Variants in PKM observed in about 807,000 individuals in gnomAD.
The protein encoded by PKM is pyruvate kinase M1/2, also known as pyruvate kinase PKM.
Under a neutral mutation model 49.8 loss-of-function variants are expected in PKM, and 18 were observed. The ratio of observed to expected loss-of-function variants is 0.36; its 90% CI spans 0.25 to 0.54. The LOEUF (loss-of-function observed/expected upper bound fraction) is 0.54, where lower values mean the gene tolerates loss of function less well. PKM is among the 20% of genes least tolerant of loss of function. The probability of loss-of-function intolerance (pLI) is 0.89; values close to 1 mark genes in which losing one functional copy is unlikely to be tolerated. For synonymous variants in PKM, 239 were observed against 261.8 expected (o/e 0.91, Z 0.84); for missense variants, 508 against 713.8 (o/e 0.71, Z 3.28).
At chr15:72,214,566 C>T (rs772988829) in intron 3 of PKM, among the ~76,000 whole-genome samples, 2 of 151,750 alleles carry the variant, frequency 1.3e-5, no homozygotes, top group African/African-American at 4.8e-5. Context: ...GAGGCCAAGG[C>T]GGATGGATCA....
chr15:72,228,135 G>A, intron 1 of PKM, among the ~76,000 whole-genome samples: 1 of 152,194 alleles, frequency 6.6e-6, no homozygotes, highest in East Asian at 1.9e-4. Context: ...TGCTAGACAG[G>A]AGACCAACAT....
chr15:72,213,907 C>G (rs2082315769), intron 3 of PKM, among the ~76,000 whole-genome samples: 1 of 152,158 alleles, frequency 6.6e-6, no homozygotes, highest in African/African-American at 2.4e-5. Context: ...TATTCATACT[C>G]TTATTTGCAC....
At chr15:72,213,069 C>T (rs1003125673) in intron 3 of PKM, among the ~76,000 whole-genome samples, 2 of 151,260 alleles carry the variant, frequency 1.3e-5, no homozygotes, top group South Asian at 4.2e-4. Flanking sequence ...AGCGAGACTC[C>T]GTCTCAGAAG....
intron 1 of PKM, among the ~76,000 whole-genome samples, chr15:72,230,198 A>C (rs913377506): frequency 6.6e-6 from 1 of 152,134 alleles, no homozygotes; most frequent in Non-Finnish European, 1.5e-5. Flanking sequence ...CGCCCATCTA[A>C]TCCCGGCCAC....
rs1369540881 is a variant in PKM, at chr15:72,208,770, C to T, written c.687G>A (p.Leu229=). Residue 229 remains leucine (L), a synonymous_variant, in exon 6 of 11, where the codon CTG becomes CTA. Transcript: ENST00000335181. The part of the protein sequence containing the change: ...PAVSEKDIQD[L]KFGVEQDVDM... ...CAACATCCTGCTCGACCCCAAACTT[C>T]AGATCCTGGATGTCCTTCTCCGACA... The T allele has an allele frequency of 6.2e-7, 1 of 1,614,182 alleles. No homozygotes were observed. Among genetic ancestry groups the T allele is most frequent in the Non-Finnish European group, 8.5e-7 (1 of 1,180,014 alleles).
intron 9 of PKM, chr15:72,201,851 G>C (rs1040720971): frequency 1.2e-5 from 2 of 163,272 alleles, no homozygotes; most frequent in African/African-American, 2.4e-5. Flanking sequence ...AACTAGGAGA[G>C]TGAAGGACAT....
At chr15:72,230,679 T>G (rs2082836611) in intron 1 of PKM, among the ~76,000 whole-genome samples, 1 of 151,514 alleles carries the variant, frequency 6.6e-6, no homozygotes, top group Non-Finnish European at 1.5e-5. Context: ...ACGCACAGCT[T>G]GAAGAGGAGG....
intron 7 of PKM, 28 bp from the exon 8 acceptor site, chr15:72,206,908 T>C (rs775234394): frequency 6.2e-7 from 1 of 1,613,386 alleles, no homozygotes; most frequent in East Asian, 2.2e-5. Context: ...ATTAGTGAGA[T>C]GTAGCTTGAG....
chr15:72,219,270 T>C, intron 1 of PKM, 160 bp from the exon 2 acceptor site: 1 of 640,086 alleles, frequency 1.6e-6, no homozygotes. Flanking sequence ...TGGGTGCTCC[T>C]CATGTTAGAA....
At chr15:72,215,397 T>C (rs536202451) in intron 3 of PKM, among the ~76,000 whole-genome samples, 33 of 152,260 alleles carry the variant, frequency 2.2e-4, no homozygotes, top group Admixed American at 1.8e-3. Context: ...TGAAACTGTT[T>C]ACATTACATT....
chr15:72,226,536 AT>A (rs1471498300), intron 1 of PKM, among the ~76,000 whole-genome samples: 4 of 152,142 alleles, frequency 2.6e-5, no homozygotes, highest in Admixed American at 2.6e-4. Flanking sequence ...TCTCAAAAAA[AT>A]AAAATAAAAT....
intron 1 of PKM, among the ~76,000 whole-genome samples, chr15:72,223,563 A>T (rs1277594384): frequency 6.6e-6 from 1 of 152,206 alleles, no homozygotes; most frequent in Non-Finnish European, 1.5e-5. Context: ...ATACGCTGGC[A>T]TTCAGGTCAG....
chr15:72,206,963 G>T, intron 7 of PKM, 83 bp from the exon 8 acceptor site: 1 of 1,532,782 alleles, frequency 6.5e-7, no homozygotes, highest in Non-Finnish European at 9.0e-7. Flanking sequence ...TCTGGATAGT[G>T]AGTAGGTACA....
intron 1 of PKM, chr15:72,228,805 C>CA: frequency 2.9e-6 from 1 of 343,960 alleles, no homozygotes. Flanking sequence ...AGGGAGTGGC[C>CA]ACACCCTCAA....
chr15:72,209,645 A>G (rs1256805808), intron 5 of PKM, 28 bp downstream of exon 5: 2 of 1,601,344 alleles, frequency 1.2e-6, no homozygotes, highest in African/African-American at 1.3e-5. Flanking sequence ...ACTGTTTTAG[A>G]CAACTGGACT....
intron 1 of PKM, chr15:72,221,375 G>A (rs911214467): frequency 3.1e-5 from 21 of 687,224 alleles, no homozygotes; most frequent in South Asian, 7.3e-5. Context: ...CCAGGTGACA[G>A]CTGCTCTAGA....
Position 72,208,750 on chromosome 15 carries a change from T to A in PKM, c.707A>T (p.Asp236Val). Reference protein sequence around the residue: ...IQDLKFGVEQDVDMVFASFIR... With the variant: ...IQDLKFGVEQVVDMVFASFIR... The stretch of plus-strand genomic sequence containing the variant: ...GAATGACGCAAACACCATATCAACA[T>A]CCTGCTCGACCCCAAACTTCAGATC... Residue 236 changes from aspartate to valine, a missense_variant, in exon 6 of 11, where the codon GAT becomes GTT. Asp to Val is a radical substitution (Grantham distance 152). Transcript: ENST00000335181. 6.2e-7 allele frequency: 1 copy of A among 1,614,144 alleles called. No individual in the cohort carries two copies. The highest frequency in any genetic ancestry group is 8.5e-7 in the Non-Finnish European group (1 of 1,180,018).
chr15:72,213,533 C>T (rs954223966), intron 3 of PKM, among the ~76,000 whole-genome samples: 2 of 152,174 alleles, frequency 1.3e-5, no homozygotes, highest in African/African-American at 4.8e-5. Context: ...CAGGTTCAAG[C>T]GATTCTCCTG....
Position 72,199,474 on chromosome 15 carries a change from T to A in PKM, c.*176A>T. The A allele has an allele frequency of 1.4e-6, 1 of 703,040 alleles. No individual in the cohort carries two copies. Among genetic ancestry groups the A allele is most frequent in the African/African-American group, 1.7e-5 (1 of 57,280 alleles). 43.6% of individuals were successfully genotyped at this position (703,040 alleles called of 1,614,324 possible). A position where few individuals can be genotyped will look rare whatever the true frequency, so the allele number is the denominator to read the frequency against. On this transcript the variant is annotated 3_prime_UTR_variant, in exon 11 of 11. Transcript: ENST00000335181. Reference sequence around the variant, plus strand: ...GCAGCCAGGCTCTGGGCTGTCCCACTAGAGCAGGCTGCAAACACAGCCATG... The same window carrying A: ...GCAGCCAGGCTCTGGGCTGTCCCACAAGAGCAGGCTGCAAACACAGCCATG...
Sources: gnomAD v4.1 joint callset for allele counts (sites outside exome capture counted in the v4.1 genomes callset) on GRCh38, gnomAD v4.1.1 for gene constraint, MANE v1.5 for transcripts, NCBI Gene and HGNC (gene_info 2026-07-23, HGNC 2026-07-21) for gene names.